C1GALT1: variants seen among roughly 807,000 people sequenced by gnomAD.
C1GALT1 encodes the protein glycoprotein-N-acetylgalactosamine 3-beta-galactosyltransferase 1.
A neutral mutation model predicts 31.0 loss-of-function variants in C1GALT1; 11 were observed. The ratio of observed to expected loss-of-function variants is 0.36; its 90% CI spans 0.22 to 0.59. The LOEUF (loss-of-function observed/expected upper bound fraction) is 0.59. Among genes scored for constraint, C1GALT1 ranks in the 20% least tolerant of loss-of-function variants. The pLI is 0.79. For missense variants in C1GALT1, 424 were observed against 425.2 expected (o/e 1.00, Z 0.03); for synonymous variants, 175 against 143.6 (o/e 1.22, Z -1.56).
chr7:7,166,222 C>T (rs149353598), intron 2 of C1GALT1, among the ~76,000 whole-genome samples: 1 of 152,196 alleles, frequency 6.6e-6, no homozygotes, highest in Non-Finnish European at 1.5e-5. Flanking sequence ...GAGAGTGTAG[C>T]ACAGGTTTAG....
At chr7:7,196,886 C>G (rs1403073697) in intron 1 of C1GALT1, among the ~76,000 whole-genome samples, 1 of 152,112 alleles carries the variant, frequency 6.6e-6, no homozygotes, top group Non-Finnish European at 1.5e-5. Context: ...CTGTTCATAT[C>G]CTTTTCCCAC....
chr7:7,173,977 A>G (rs573362022), intron 2 of C1GALT1, among the ~76,000 whole-genome samples: 1 of 152,264 alleles, frequency 6.6e-6, no homozygotes, highest in African/African-American at 2.4e-5. Context: ...ACTTTCTCAC[A>G]GTTCTGGAGG....
intron 1 of C1GALT1, among the ~76,000 whole-genome samples, chr7:7,233,388 C>G (rs1247747280): frequency 6.6e-6 from 1 of 152,160 alleles, no homozygotes; most frequent in Non-Finnish European, 1.5e-5. Context: ...CTTATTCTTA[C>G]CAATTCTTCC....
At chr7:7,183,037 G>A (rs963913124) in intron 1 of C1GALT1, among the ~76,000 whole-genome samples, 3 of 152,164 alleles carry the variant, frequency 2.0e-5, no homozygotes, top group South Asian at 2.1e-4. Context: ...ATCTGCCACA[G>A]CGTTCGGCTG....
chr7:7,223,559 C>T (rs1427209094), intron 1 of C1GALT1, among the ~76,000 whole-genome samples: 1 of 152,020 alleles, frequency 6.6e-6, no homozygotes, highest in East Asian at 1.9e-4. Context: ...TTATGGGTTT[C>T]GTTTTTGTTT....
chr7:7,174,117 AAGAG>A (rs1780481134), intron 2 of C1GALT1, among the ~76,000 whole-genome samples: 1 of 152,004 alleles, frequency 6.6e-6, no homozygotes, highest in African/African-American at 2.4e-5. Flanking sequence ...GAGAGACAGA[AAGAG>A]AGAGTGCTCT....
intron 1 of C1GALT1, among the ~76,000 whole-genome samples, chr7:7,189,410 C>G (rs142335136): frequency 1.3e-5 from 2 of 152,176 alleles, no homozygotes; most frequent in African/African-American, 4.8e-5. Context: ...TACCAGTTTT[C>G]TTGTATCTGT....
intron 1 of C1GALT1, among the ~76,000 whole-genome samples, chr7:7,216,724 G>A (rs1363770647): frequency 6.6e-6 from 1 of 152,166 alleles, no homozygotes; most frequent in African/African-American, 2.4e-5. Flanking sequence ...GAATAGAATG[G>A]CCGTTTTCCC....
At chr7:7,167,556 T>G (rs1448679270) in intron 2 of C1GALT1, among the ~76,000 whole-genome samples, 1 of 152,152 alleles carries the variant, frequency 6.6e-6, no homozygotes, top group Non-Finnish European at 1.5e-5. Flanking sequence ...AGATGCCATT[T>G]CATGGAATTA....
At chr7:7,234,718 T>A (rs536912534) in intron 2 of C1GALT1, 179 bp downstream of exon 2, 1 of 536,332 alleles carries the variant, frequency 1.9e-6, no homozygotes, top group South Asian at 2.6e-5. Context: ...GAATAAGATA[T>A]TAATTTTGAA....
intron 2 of C1GALT1, among the ~76,000 whole-genome samples, chr7:7,163,194 C>T (rs958552596): frequency 1.3e-5 from 2 of 152,152 alleles, no homozygotes; most frequent in East Asian, 1.9e-4. Flanking sequence ...CTTGCCCGTT[C>T]CTATGTCCTG....
intron 1 of C1GALT1, among the ~76,000 whole-genome samples, chr7:7,186,055 G>A (rs899858362): frequency 6.8e-5 from 7 of 102,450 alleles, no homozygotes; most frequent in African/African-American, 3.1e-4. Flanking sequence ...CACATCTGGT[G>A]AGGGCATTTG....
chr7:7,172,910 A>G (rs1780469449), intron 2 of C1GALT1, among the ~76,000 whole-genome samples: 1 of 152,210 alleles, frequency 6.6e-6, no homozygotes, highest in African/African-American at 2.4e-5. Context: ...CTACCATTAT[A>G]GTATCATAAA....
chr7:7,247,928 C>T lies in C1GALT1; in HGVS notation c.*4201C>T, dbSNP rs1783913872. The T allele has an allele frequency of 6.6e-6, 1 of 152,120 alleles. No homozygotes were observed. The highest frequency in any genetic ancestry group is 3.4e-3 in the Middle Eastern group (1 of 294). The allele number at this position is 152,120 out of a possible 1,614,324, so 9.4% of individuals were successfully genotyped here. On this transcript the variant is annotated 3_prime_UTR_variant, in exon 4 of 4. Transcript: ENST00000436587. ...GCTGGCTCTCGAGATACTTGCCCTA[C>T]TTAAAAATCTATAATTTAAAATTAA...
chr7:7,184,314 G>A (rs1229197901), intron 1 of C1GALT1, among the ~76,000 whole-genome samples: 6 of 152,176 alleles, frequency 3.9e-5, no homozygotes. Context: ...TTAGTGGAGA[G>A]CTACTAAATG....
chr7:7,186,145 CTT>C (rs1780806678), intron 1 of C1GALT1, among the ~76,000 whole-genome samples: 1 of 48,454 alleles, frequency 2.1e-5, no homozygotes, highest in Non-Finnish European at 3.5e-5. Context: ...GCCCAGAACT[CTT>C]TCTTTCTTTC....
At chr7:7,203,344 C>G (rs1191021026) in intron 1 of C1GALT1, among the ~76,000 whole-genome samples, 1 of 151,954 alleles carries the variant, frequency 6.6e-6, no homozygotes, top group Non-Finnish European at 1.5e-5. Context: ...GCTTTTAGTC[C>G]TTTACCATGT....
In C1GALT1 at chr7:7,238,107, A is replaced by G; in HGVS notation, c.221-148A>G. Reference sequence around the variant, plus strand: ...ATAAATCAGAGTGTCAGTTCACATTAGGATGAGTTTGCTTTCCTTTGGCTA... The same window carrying G: ...ATAAATCAGAGTGTCAGTTCACATTGGGATGAGTTTGCTTTCCTTTGGCTA... On this transcript the variant is annotated intron_variant, in intron 2 of 3. Coordinates refer to ENST00000436587, the MANE Select transcript of C1GALT1 (RefSeq NM_020156.5). This position sits in a 1 kb window ranked among gnomAD's most constrained non-coding sequence, Gnocchi z 5.2. 1.4e-6 allele frequency: 1 copy of G among 689,864 alleles called. No individual in the cohort carries two copies. The highest frequency in any genetic ancestry group is 3.3e-5 in the Admixed American group (1 of 30,158). The allele number at this position is 689,864 out of a possible 1,614,324, so 42.7% of individuals were successfully genotyped here.
At chr7:7,165,290 C>G (rs773006873) in intron 2 of C1GALT1, among the ~76,000 whole-genome samples, 88 of 152,158 alleles carry the variant, frequency 5.8e-4, no homozygotes, top group Non-Finnish European at 1.1e-3. Context: ...CCTTTACTCA[C>G]TGTGGTGGGA....
Sources: allele counts gnomAD v4.1 joint callset (sites outside exome capture counted in the v4.1 genomes callset), GRCh38; gene constraint gnomAD v4.1.1; non-coding constraint Gnocchi (gnomAD v3.1); transcripts MANE v1.5; gene names NCBI Gene and HGNC (gene_info 2026-07-23, HGNC 2026-07-21).